SUMF1: variants seen among roughly 807,000 people sequenced by gnomAD.
The protein encoded by SUMF1 is sulfatase modifying factor 1.
Under a neutral mutation model 47.6 loss-of-function variants are expected in SUMF1, and 48 were observed. The observed-to-expected ratio is 1.01, with a 90% CI of 0.80 to 1.28. The LOEUF is 1.28. Ranked by LOEUF, SUMF1 falls within the 50% of genes most tolerant of loss-of-function variation. The pLI is 0.00. For missense variants in SUMF1, 571 were observed against 485.4 expected, an observed-to-expected ratio of 1.18 and a Z score of -1.66; for synonymous variants, 230 against 192.1, an observed-to-expected ratio of 1.20 and a Z score of -1.63.
intron 8 of SUMF1, among the ~76,000 whole-genome samples, chr3:4,183,736 A>G (rs1221428090): frequency 6.6e-6 from 1 of 152,184 alleles, no homozygotes. Flanking sequence ...GCCTGCCTAT[A>G]TGATTCTTGG....
chr3:4,326,897 T>C (rs1198380143), intron 8 of SUMF1, among the ~76,000 whole-genome samples: 2 of 152,174 alleles, frequency 1.3e-5, no homozygotes, highest in Non-Finnish European at 2.9e-5. Flanking sequence ...AAATATGCCA[T>C]GCCAGTCAAA....
At chr3:4,201,836 A>T (rs1695546822) in intron 8 of SUMF1, among the ~76,000 whole-genome samples, 1 of 151,934 alleles carries the variant, frequency 6.6e-6, no homozygotes, top group Non-Finnish European at 1.5e-5. Flanking sequence ...GGGTGAGATG[A>T]TATCCCATTG....
intron 4 of SUMF1, among the ~76,000 whole-genome samples, chr3:4,418,516 A>G (rs1347703555): frequency 6.6e-6 from 1 of 152,164 alleles, no homozygotes; most frequent in East Asian, 1.9e-4. Flanking sequence ...TGACTAACCA[A>G]CCACAGCAGG....
intron 8 of SUMF1, chr3:4,313,027 TATG>T: frequency 3.7e-6 from 6 of 1,613,956 alleles, no homozygotes; most frequent in Non-Finnish European, 5.1e-6. Context: ...TGGAGAGAAC[TATG>T]ATGATAACTC....
At chr3:4,227,542 A>T (rs1559588646) in intron 8 of SUMF1, among the ~76,000 whole-genome samples, 1 of 152,072 alleles carries the variant, frequency 6.6e-6, no homozygotes, top group Non-Finnish European at 1.5e-5. Context: ...ACACAGATAG[A>T]CATGTTCTCC....
intron 3 of SUMF1, among the ~76,000 whole-genome samples, chr3:4,429,078 A>G (rs1372840708): frequency 6.6e-6 from 1 of 152,196 alleles, no homozygotes; most frequent in Non-Finnish European, 1.5e-5. Context: ...TTTTTTTGCT[A>G]TTATAGATAA....
chr3:4,417,015 C>T (rs761218638), intron 6 of SUMF1, 113 bp downstream of exon 6: 2 of 961,306 alleles, frequency 2.1e-6, no homozygotes, highest in Non-Finnish European at 1.7e-6. Context: ...TGAATGCATA[C>T]ACGAAGGGAA....
rs564277609 is a variant in SUMF1 at position 4,098,104 on chromosome 3, C to T, written c.1015-29359G>A. ...AGGGTTGAGACTACAAAACTTCCTC[C>T]AAAATTGCCTCATACTGCTTTTATC... On this transcript the variant is annotated intron_variant and NMD_transcript_variant, in intron 8 of 12. Transcript: ENST00000448413. Among the ~76,000 whole-genome samples, 9 of 152,212 alleles carry T rather than the reference C, an allele frequency of 5.9e-5. No homozygotes were observed. In the South Asian group the frequency reaches 1.9e-3, roughly 32 times the overall value.
At chr3:4,346,102 A>G (rs1575115690) in intron 8 of SUMF1, among the ~76,000 whole-genome samples, 1 of 152,216 alleles carries the variant, frequency 6.6e-6, no homozygotes, top group African/African-American at 2.4e-5. Flanking sequence ...CTCCACTATC[A>G]GTATTAGACA....
At chr3:4,091,214 A>G (rs1365481042) in intron 8 of SUMF1, among the ~76,000 whole-genome samples, 1 of 152,168 alleles carries the variant, frequency 6.6e-6, no homozygotes, top group Admixed American at 6.5e-5. Context: ...GTTTCATTAT[A>G]CATTGTTTCA....
chr3:4,451,335 C>T (rs919623945), intron 2 of SUMF1, among the ~76,000 whole-genome samples: 1 of 152,136 alleles, frequency 6.6e-6, no homozygotes, highest in African/African-American at 2.4e-5. Flanking sequence ...GTTAGAGGTA[C>T]TGCTACTACT....
intron 8 of SUMF1, among the ~76,000 whole-genome samples, chr3:4,247,367 C>A (rs1287464565): frequency 6.6e-6 from 1 of 152,160 alleles, no homozygotes; most frequent in Non-Finnish European, 1.5e-5. Context: ...GTGCTACAGT[C>A]AAATCAACAG....
intron 3 of SUMF1, among the ~76,000 whole-genome samples, chr3:4,439,244 C>T (rs1253659811): frequency 1.3e-5 from 2 of 152,060 alleles, no homozygotes; most frequent in African/African-American, 2.4e-5. Context: ...TAAGTGAGGC[C>T]GGGTGTGGTG....
At chr3:4,410,722 G>T in intron 7 of SUMF1, 143 bp downstream of exon 7, 1 of 758,088 alleles carries the variant, frequency 1.3e-6, no homozygotes, top group South Asian at 1.4e-5. Context: ...AGAAACATGC[G>T]CTTAATGTGC....
At chr3:4,358,308 A>G (rs1206736880), downstream of SUMF1, among the ~76,000 whole-genome samples, 2 of 152,194 alleles carry the variant, frequency 1.3e-5, no homozygotes, top group Non-Finnish European at 2.9e-5. Context: ...TCCATGCTTC[A>G]ATGGGGCAAG....
intron 8 of SUMF1, among the ~76,000 whole-genome samples, chr3:4,151,213 T>G (rs867491571): frequency 6.7e-6 from 1 of 148,666 alleles, no homozygotes. Context: ...TATAAGGAAA[T>G]GTATAATGAA....
rs1393644426 is a variant in SUMF1 at position 4,449,247 on chromosome 3, CT to C, written c.519+18del. ...ATGAGCCTTAGAGAAATACAGGAGC[CT>C]GTTGAAACATTACTTACTGCCTGTT... On this transcript the variant is annotated intron_variant, in intron 3 of 8. Coordinates refer to ENST00000272902, the MANE Select transcript of SUMF1 (RefSeq NM_182760.4). 6.2e-7 allele frequency: 1 copy of C among 1,613,752 alleles called. No homozygotes were observed. Among genetic ancestry groups the C allele is most frequent in the African/African-American group, 1.3e-5 (1 of 74,918 alleles).
intron 8 of SUMF1, among the ~76,000 whole-genome samples, chr3:4,134,186 C>T (rs533154355): frequency 1.3e-5 from 2 of 152,104 alleles, no homozygotes; most frequent in Non-Finnish European, 2.9e-5. Context: ...CACTACACCA[C>T]AAATATTCCA....
chr3:4,182,682 T>G (rs944477841), intron 8 of SUMF1, among the ~76,000 whole-genome samples: 1 of 152,084 alleles, frequency 6.6e-6, no homozygotes, highest in Non-Finnish European at 1.5e-5. Flanking sequence ...AATGCAAATT[T>G]CAGGCATGAT....
Sources: gnomAD v4.1 joint callset for allele counts (sites outside exome capture counted in the v4.1 genomes callset) on GRCh38, gnomAD v4.1.1 for gene constraint, MANE v1.5 for transcripts, NCBI Gene and HGNC (gene_info 2026-07-23, HGNC 2026-07-21) for gene names.